ITGAX: variants seen among roughly 807,000 people sequenced by gnomAD.
The protein encoded by ITGAX is integrin alpha-X.
ITGAX carries 99 observed loss-of-function variants against 140.2 expected under a neutral mutation model. The observed-to-expected ratio is 0.71, with a 90% CI of 0.60 to 0.83. The LOEUF (loss-of-function observed/expected upper bound fraction) is 0.83, where lower values mean the gene tolerates loss of function less well. ITGAX is among the 40% of genes least tolerant of loss of function. The pLI, the probability that ITGAX is intolerant of heterozygous loss-of-function variation, is 0.00. For missense variants in ITGAX, 1,444 were observed against 1,482.0 expected, an observed-to-expected ratio of 0.97 and a Z score of 0.42; for synonymous variants, 631 against 600.4, an observed-to-expected ratio of 1.05 and a Z score of -0.75.
At position 31,380,966 on chromosome 16, in the gene ITGAX, G is replaced by T; in HGVS notation, c.3346G>T (p.Gly1116Cys). The T allele has an allele frequency of 1.2e-6, 2 of 1,614,120 alleles. No homozygotes were observed. The highest frequency in any genetic ancestry group is 1.7e-6 in the Non-Finnish European group (2 of 1,180,034). ...TPLIVGSSIG[G>C]LLLLALITAV... Reference sequence around the variant, plus strand: ...CCTCATCGTAGGCAGCTCCATTGGGGGTCTGTTGCTGCTGGCACTCATCAC... The same window carrying T: ...CCTCATCGTAGGCAGCTCCATTGGGTGTCTGTTGCTGCTGGCACTCATCAC... The change falls in exon 29 of 30, where the codon GGT (glycine) becomes TGT (cysteine). Residue 1116 changes from glycine to cysteine, a missense_variant. Coordinates refer to ENST00000268296, the MANE Select transcript of ITGAX (RefSeq NM_000887.5).
Position 31,380,370 on chromosome 16 carries a change from G to C in ITGAX, c.3165G>C (p.Trp1055Cys). ...TGAAGGGCAACCTCAGCTTTGGCTG[G>C]GTCCGCCAGGTGTGTGGGTGCAACG... Reference protein sequence around the residue: ...FTLKGNLSFGWVRQILQKKVS... With the variant: ...FTLKGNLSFGCVRQILQKKVS... The change falls in exon 27 of 30, where the codon TGG (tryptophan) becomes TGC (cysteine). Residue 1055 changes from tryptophan (W) to cysteine (C), a missense_variant. Transcript: ENST00000268296. 6.2e-7 allele frequency: 1 copy of C among 1,613,978 alleles called. No homozygotes were observed. Among genetic ancestry groups the C allele is most frequent in the Non-Finnish European group, 8.5e-7 (1 of 1,179,958 alleles).
intron 3 of ITGAX, 69 bp downstream of exon 3, chr16:31,356,797 C>T (rs1271384239): frequency 8.5e-7 from 1 of 1,173,034 alleles, no homozygotes; most frequent in Non-Finnish European, 1.2e-6. Context: ...GGCCCGTGGA[C>T]TCACCGGAGT....
chr16:31,356,764 C>T (rs751255782), intron 3 of ITGAX, 36 bp downstream of exon 3: 13 of 1,448,820 alleles, frequency 9.0e-6, no homozygotes, highest in Non-Finnish European at 1.1e-5. Flanking sequence ...CAGGGCCGGG[C>T]TCCCAGGCTT....
intron 25 of ITGAX, 53 bp from the exon 26 acceptor site, chr16:31,379,929 T>C (rs776065634): frequency 1.2e-4 from 199 of 1,607,578 alleles, no homozygotes; most frequent in Non-Finnish European, 1.7e-4. Flanking sequence ...TTGTGCCCCA[T>C]GTGGGTCCCT....
intron 7 of ITGAX, 112 bp downstream of exon 7, chr16:31,360,177 C>A: frequency 2.0e-6 from 3 of 1,523,660 alleles, no homozygotes; most frequent in Non-Finnish European, 2.7e-6. Flanking sequence ...GCCCGTGATA[C>A]CCTTGCCAAG....
At chr16:31,380,834 C>A in intron 28 of ITGAX, 63 bp from the exon 29 acceptor site, 8 of 1,459,586 alleles carry the variant, frequency 5.5e-6, no homozygotes, top group Non-Finnish European at 7.7e-6. Context: ...GGTTGGGGAG[C>A]CTGGGAGGAG....
intron 14 of ITGAX, among the ~76,000 whole-genome samples, chr16:31,369,621 C>A (rs1467754381): frequency 6.6e-6 from 1 of 152,164 alleles, no homozygotes; most frequent in East Asian, 1.9e-4. Flanking sequence ...TTATGCCTTG[C>A]TAAAGGCTTA....
At position 31,377,080 on chromosome 16, in the gene ITGAX, G is replaced by A. The variant is rs757366589; in HGVS notation, c.2705+1G>A. ...TGCTTCTGACAGCCAATGTGAGCAG[G>A]TGAGCCGGGCCAGGCCAGGGGCAGT... On this transcript the variant is annotated splice_donor_variant, in intron 22 of 29. Transcript: ENST00000268296. LOFTEE classifies it high-confidence loss of function. The A allele has an allele frequency of 6.2e-7, 1 of 1,614,160 alleles. No homozygotes were observed. The highest frequency in any genetic ancestry group is 1.7e-5 in the Admixed American group (1 of 60,018).
intron 23 of ITGAX, among the ~76,000 whole-genome samples, chr16:31,377,763 G>A (rs1673524980): frequency 6.6e-6 from 1 of 152,070 alleles, no homozygotes; most frequent in South Asian, 2.1e-4. Context: ...TGGCAGGTGT[G>A]ATCCACAGCT....
rs1411028176 is a variant in ITGAX, at chr16:31,362,155, C to A, written c.1167C>A (p.Thr389=). The change falls in exon 11 of 30, where the codon ACC becomes ACA. Residue 389 remains threonine, a synonymous_variant. Transcript: ENST00000268296. ...AFLYPPNMSP[T]FINMSQENVD... ...TGTACCCCCCAAATATGAGCCCTAC[C>A]TTCATCAACATGTCTCAGGAGAATG... The A allele has an allele frequency of 2.5e-6, 4 of 1,613,972 alleles. No homozygotes were observed. The highest frequency in any genetic ancestry group is 3.4e-6 in the Non-Finnish European group (4 of 1,180,004).
At position 31,361,224 on chromosome 16, in the gene ITGAX, A is replaced by C. The variant is rs750388730; in HGVS notation, c.1012+11A>C. On this transcript the variant is annotated intron_variant, in intron 9 of 29. Transcript: ENST00000268296. The stretch of plus-strand genomic sequence containing the variant: ...TCTTTGCCATTGAGGGTGAGTCTGA[A>C]GGGAGCTCTTCGCTTGGGGAATCCT... The C allele has an allele frequency of 6.3e-7, 1 of 1,598,316 alleles. No individual in the cohort carries two copies. Among genetic ancestry groups the C allele is most frequent in the South Asian group, 1.1e-5 (1 of 88,936 alleles).
At chr16:31,371,865 G>A (rs976439933) in intron 17 of ITGAX, 81 bp downstream of exon 17, 79 of 1,521,602 alleles carry the variant, frequency 5.2e-5, no homozygotes, top group East Asian at 3.2e-4. Context: ...GCTGTGTTCC[G>A]GCCTCCCTGT....
chr16:31,357,438 T>C, intron 5 of ITGAX, 74 bp downstream of exon 5: 1 of 971,976 alleles, frequency 1.0e-6, no homozygotes. Flanking sequence ...CTAGAGACAG[T>C]CTTGCCAGAG....
intron 17 of ITGAX, among the ~76,000 whole-genome samples, chr16:31,371,990 G>A (rs1027914045): frequency 9.2e-5 from 14 of 152,186 alleles, no homozygotes; most frequent in Non-Finnish European, 5.9e-5. Context: ...GGGGCCACAC[G>A]ATTGGATTTC....
At position 31,357,350 on chromosome 16, in the gene ITGAX, C is replaced by A. The variant is rs770533015; in HGVS notation, c.416C>A (p.Pro139Gln). Residue 139 changes from proline to glutamine, a missense_variant, in exon 5 of 30, where the codon CCG (proline) becomes CAG (glutamine). By Grantham distance (76) the Pro-to-Gln change is moderately conservative. Coordinates refer to ENST00000268296, the MANE Select transcript of ITGAX (RefSeq NM_000887.5). The stretch of plus-strand genomic sequence containing the variant: ...CCCACCCAGCTCACCCAGAGGCTCC[C>A]GGTGTCCAGGCAGGGTGAGTGTCGG... Reference protein sequence around the residue: ...LGPTQLTQRLPVSRQECPRQE... With the variant: ...LGPTQLTQRLQVSRQECPRQE... The A allele has an allele frequency of 5.7e-5, 91 of 1,602,336 alleles. No homozygotes were observed. Among genetic ancestry groups the A allele is most frequent in the Non-Finnish European group, 7.1e-5 (84 of 1,175,024 alleles).
chr16:31,376,820 C>G lies in ITGAX; in HGVS notation c.2530C>G (p.Leu844Val). ...EGQKQGQLRS[L>V]HLTCDSAPVG... ...CTAGAAACAAGGGCAGCTGCGTTCC[C>G]TGCACCTGACATGTGACAGCGCCCC... The change falls in exon 21 of 30, where the codon CTG (leucine) becomes GTG (valine). Residue 844 changes from leucine (L) to valine (V), a missense_variant. By Grantham distance (32) the Leu-to-Val change is conservative. Transcript: ENST00000268296. The G allele has an allele frequency of 6.2e-7, 1 of 1,614,196 alleles. No homozygotes were observed. The highest frequency in any genetic ancestry group is 8.5e-7 in the Non-Finnish European group (1 of 1,180,028).
At position 31,374,990 on chromosome 16, in the gene ITGAX, C is replaced by G. The variant is rs189197475; in HGVS notation, c.2508+1600C>G. Among the ~76,000 whole-genome samples the G allele has an allele frequency of 3.4e-3, 514 of 151,744 alleles. 11 individuals carry two copies. The highest frequency in any genetic ancestry group is 0.029 in the Admixed American group (447 of 15,230). ...AGGAGTGGGTTTCCTTCCTTCCTTT[C>G]TTCTTTCTTTTTCTTTCTTTCTTTT... On this transcript the variant is annotated intron_variant, in intron 20 of 29. Coordinates refer to ENST00000268296, the MANE Select transcript of ITGAX (RefSeq NM_000887.5).
At chr16:31,372,043 G>A (rs545695581) in intron 17 of ITGAX, among the ~76,000 whole-genome samples, 5 of 152,310 alleles carry the variant, frequency 3.3e-5, no homozygotes, top group Admixed American at 2.0e-4. Flanking sequence ...TGGGGCTTCC[G>A]GCTGGGCTTT....
chr16:31,371,692 G>A lies in ITGAX; in HGVS notation c.2068G>A (p.Ala690Thr), dbSNP rs1263836801. Residue 690 changes from alanine to threonine, a missense_variant, in exon 17 of 30, where the codon GCC becomes ACC. Ala to Thr is a moderately conservative substitution (Grantham distance 58, BLOSUM62 0). Transcript: ENST00000268296. ...ALDPGRLSPR[A>T]TFQETKNRSL... ...CGACCCTGGCCGCCTGAGTCCCCGT[G>A]CCACCTTCCAGGAAACAAAGAACCG... The A allele has an allele frequency of 1.9e-6, 3 of 1,614,096 alleles. No homozygotes were observed. Among genetic ancestry groups the A allele is most frequent in the Non-Finnish European group, 8.5e-7 (1 of 1,180,030 alleles).
Sources: allele counts gnomAD v4.1 joint callset (sites outside exome capture counted in the v4.1 genomes callset), GRCh38; gene constraint gnomAD v4.1.1; transcripts MANE v1.5; gene names NCBI Gene and HGNC (gene_info 2026-07-23, HGNC 2026-07-21).